The following TRMT10C variants were observed in gnomAD, a reference collection of about 807,000 sequenced individuals.
TRMT10C encodes tRNA methyltransferase 10C, mitochondrial RNase P subunit, also known as tRNA methyltransferase 10 homolog C.
Under a neutral mutation model 27.4 loss-of-function variants are expected in TRMT10C, and 14 were observed. The ratio of observed to expected loss-of-function variants is 0.51; its 90% CI spans 0.34 to 0.80. The LOEUF is 0.80. TRMT10C is among the 30% of genes least tolerant of loss of function. The pLI is 0.02. For synonymous variants in TRMT10C, 143 were observed against 155.9 expected (o/e 0.92, Z 0.62); for missense variants, 438 against 464.8 (o/e 0.94, Z 0.53).
At chr3:101,562,832 T>C (rs550940011) in intron 1 of TRMT10C, among the ~76,000 whole-genome samples, 1 of 152,228 alleles carries the variant, frequency 6.6e-6, no homozygotes, top group Non-Finnish European at 1.5e-5. Flanking sequence ...AGTTAGTCCT[T>C]ACCATCTAGT....
rs566773045 is a variant in TRMT10C, at chr3:101,565,865, T to C, written c.1084T>C (p.Cys362Arg). The part of the protein sequence containing the change: ...TLDQMIRILL[C>R]LKNNGNWQEA... Reference sequence around the variant, plus strand: ...AGATCAAATGATACGTATTTTGTTATGTCTGAAAAACAATGGTAATTGGCA... The same window carrying C: ...AGATCAAATGATACGTATTTTGTTACGTCTGAAAAACAATGGTAATTGGCA... Residue 362 changes from cysteine (C) to arginine (R), a missense_variant, in exon 2 of 2, where the codon TGT becomes CGT. By Grantham distance (180) the Cys-to-Arg change is radical (BLOSUM62 -3). Coordinates refer to ENST00000309922, the MANE Select transcript of TRMT10C (RefSeq NM_017819.4). 3.7e-6 allele frequency: 6 copies of C among 1,614,218 alleles called. No individual in the cohort carries two copies. The South Asian group carries it at 4.4e-5, about 12-fold the overall frequency.
Position 101,564,901 on chromosome 3 carries a change from G to A in TRMT10C, c.120G>A (p.Met40Ile), listed in dbSNP as rs1237842468. The A allele has an allele frequency of 6.2e-7, 1 of 1,613,878 alleles. No homozygotes were observed. Among genetic ancestry groups the A allele is most frequent in the Admixed American group, 1.7e-5 (1 of 59,960 alleles). Residue 40 changes from methionine to isoleucine, a missense_variant, in exon 2 of 2, where the codon ATG (methionine) becomes ATA (isoleucine). Met to Ile is a conservative substitution (Grantham distance 10). This residue lies in a region of TRMT10C where 350 missense variants were observed against 370.5 expected (regional missense o/e 0.94). Coordinates refer to ENST00000309922, the MANE Select transcript of TRMT10C (RefSeq NM_017819.4). ...RNNLTILQRY[M>I]SSKIPAVTYP... ...ACTTAACAATTTTGCAGAGATACAT[G>A]TCTTCCAAAATACCAGCTGTTACTT...
chr3:101,566,095 A>G lies in TRMT10C; in HGVS notation c.*102A>G. ...ATGCGTTAGAAATACAGTTCTGTTA[A>G]TGTATTTCTTCCCAAACAATTCATT... On this transcript the variant is annotated 3_prime_UTR_variant, in exon 2 of 2. Coordinates refer to ENST00000309922, the MANE Select transcript of TRMT10C (RefSeq NM_017819.4). 7.9e-7 allele frequency: 1 copy of G among 1,258,940 alleles called. No homozygotes were observed. Among genetic ancestry groups the G allele is most frequent in the Non-Finnish European group, 1.1e-6 (1 of 924,760 alleles). The allele number at this position is 1,258,940 out of a possible 1,614,324, so 78.0% of individuals were successfully genotyped here.
At position 101,565,031 on chromosome 3, in the gene TRMT10C, A is replaced by G. The variant is rs1286723372; in HGVS notation, c.250A>G (p.Ser84Gly). Reference protein sequence around the residue: ...VQEECVSTISSSKDEDPLAAT... With the variant: ...VQEECVSTISGSKDEDPLAAT... ...AGAAGAATGTGTTTCAACAATCTCA[A>G]GCAGTAAGGATGAAGATCCTCTAGC... is the stretch of plus-strand genomic sequence containing the variant. The change falls in exon 2 of 2, where the codon AGC becomes GGC. Residue 84 changes from serine (S) to glycine (G), a missense_variant. Ser to Gly is a moderately conservative substitution (Grantham distance 56). Around this residue, in one of 3 missense-constraint regions of TRMT10C, gnomAD observed 350 missense variants for 370.5 expected, o/e 0.94. Transcript: ENST00000309922. 1.2e-6 allele frequency: 2 copies of G among 1,614,006 alleles called. No homozygotes were observed. The highest frequency in any genetic ancestry group is 1.7e-6 in the Non-Finnish European group (2 of 1,180,036).
chr3:101,564,253 C>A (rs1934471838), intron 1 of TRMT10C, among the ~76,000 whole-genome samples: 1 of 136,412 alleles, frequency 7.3e-6, no homozygotes, highest in African/African-American at 2.6e-5. Flanking sequence ...AATAAGAACC[C>A]AACTTTTTTT....
rs750936101 is a variant in TRMT10C at position 101,564,851 on chromosome 3, T to C, written c.70T>C (p.Phe24Leu). The change falls in exon 2 of 2, where the codon TTT (phenylalanine) becomes CTT (leucine). Residue 24 changes from phenylalanine (F) to leucine (L), a missense_variant. This residue lies in a region of TRMT10C where 350 missense variants were observed against 370.5 expected (regional missense o/e 0.94). Transcript: ENST00000309922. ...ACCTTTCACCAGGTTTTTGGTGCCA[T>C]TTACCCTTCATAGGAAGAGAAATAA... The part of the protein sequence containing the change: ...FRPFTRFLVP[F>L]TLHRKRNNLT... The C allele has an allele frequency of 4.3e-6, 7 of 1,613,868 alleles. No homozygotes were observed. In the South Asian group the frequency reaches 6.6e-5, roughly 15 times the overall value.
chr3:101,565,853 C>T lies in TRMT10C; in HGVS notation c.1072C>T (p.Arg358Cys), dbSNP rs368035344. 2.9e-5 allele frequency: 46 copies of T among 1,613,948 alleles called. No individual in the cohort carries two copies. In the African/African-American group the frequency reaches 5.2e-4, roughly 18 times the overall value. ...AAATCTCACCTTAGATCAAATGATA[C>T]GTATTTTGTTATGTCTGAAAAACAA... ...NKNLTLDQMI[R>C]ILLCLKNNGN... is the part of the protein sequence containing the mutation. The change falls in exon 2 of 2, where the codon CGT becomes TGT. Residue 358 changes from arginine (R) to cysteine (C), a missense_variant. Transcript: ENST00000309922.
At position 101,565,636 on chromosome 3, in the gene TRMT10C, C is replaced by T. The variant is rs748636330; in HGVS notation, c.855C>T (p.Asp285=). ...EKSHVDLFPK[D]SIIYLTADSP... ...CTCATGTAGATTTATTTCCAAAGGA[C>T]AGTATTATCTATTTAACTGCAGATT... Residue 285 remains aspartate (D), a synonymous_variant, in exon 2 of 2, where the codon GAC becomes GAT. Transcript: ENST00000309922. 27 of 1,614,106 alleles carry T rather than the reference C, an allele frequency of 1.7e-5. No individual in the cohort carries two copies. In the Admixed American group the frequency reaches 4.2e-4, roughly 25 times the overall value.
rs771128676 is a variant in TRMT10C, at chr3:101,564,978, G to A, written c.197G>A (p.Trp66Ter). ...PPSEELELDK[W>*]KTTMKSSVQE... ...TCTGAAGAGCTAGAGTTGGATAAGTGGAAAACTACCATGAAATCTAGTGTG... is the reference window on the plus strand; with the variant it reads ...TCTGAAGAGCTAGAGTTGGATAAGTAGAAAACTACCATGAAATCTAGTGTG... The change falls in exon 2 of 2, where the codon TGG becomes TAG. Residue 66 changes from tryptophan to a stop codon, truncating the protein, a stop_gained. Coordinates refer to ENST00000309922, the MANE Select transcript of TRMT10C (RefSeq NM_017819.4). LOFTEE classifies it high-confidence loss of function. The A allele has an allele frequency of 6.7e-5, 108 of 1,613,748 alleles. No homozygotes were observed. The highest frequency in any genetic ancestry group is 9.1e-5 in the Non-Finnish European group (107 of 1,179,920).
rs1934502512 is a variant in TRMT10C at position 101,565,710 on chromosome 3, G to C, written c.929G>C (p.Gly310Ala). ...AGGCATGACAAAGTTTATGTAATTG[G>C]GTCTTTTGTTGATAAGAGTATGCAG... ...TFRHDKVYVI[G>A]SFVDKSMQPG... Residue 310 changes from glycine (G) to alanine (A), a missense_variant, in exon 2 of 2, where the codon GGG becomes GCG. Around this residue, in one of 3 missense-constraint regions of TRMT10C, gnomAD observed 350 missense variants for 370.5 expected, o/e 0.94. Transcript: ENST00000309922. The C allele has an allele frequency of 6.2e-7, 1 of 1,614,150 alleles. No homozygotes were observed. The highest frequency in any genetic ancestry group is 1.3e-5 in the African/African-American group (1 of 75,034).
At position 101,564,898 on chromosome 3, in the gene TRMT10C, C is replaced by T. The variant is rs1934483711; in HGVS notation, c.117C>T (p.Tyr39=). The change falls in exon 2 of 2, where the codon TAC becomes TAT. Residue 39 remains tyrosine (Y), a synonymous_variant. Coordinates refer to ENST00000309922, the MANE Select transcript of TRMT10C (RefSeq NM_017819.4). ...ATAACTTAACAATTTTGCAGAGATA[C>T]ATGTCTTCCAAAATACCAGCTGTTA... ...KRNNLTILQR[Y]MSSKIPAVTY... 6.2e-7 allele frequency: 1 copy of T among 1,613,960 alleles called. No homozygotes were observed. The highest frequency in any genetic ancestry group is 2.2e-5 in the East Asian group (1 of 44,864).
In TRMT10C at chr3:101,566,174, C is replaced by A; in HGVS notation, c.*181C>A. 3.2e-6 allele frequency: 2 copies of A among 616,742 alleles called. No individual in the cohort carries two copies. Among genetic ancestry groups the A allele is most frequent in the Non-Finnish European group, 5.4e-6 (2 of 369,808 alleles). The allele number at this position is 616,742 out of a possible 1,614,324, so 38.2% of individuals were successfully genotyped here. On this transcript the variant is annotated 3_prime_UTR_variant, in exon 2 of 2. Transcript: ENST00000309922. ...CTGACTGTAGGGTTGTGTCTTTTCC[C>A]AATTAAATATCTGCAGAACTTTGGG...
chr3:101,564,158 T>G (rs1934470380), intron 1 of TRMT10C, among the ~76,000 whole-genome samples: 1 of 152,110 alleles, frequency 6.6e-6, no homozygotes, highest in African/African-American at 2.4e-5. Context: ...CCAGTAACAT[T>G]GATTCTCTGG....
chr3:101,563,012 C>T (rs1012300779), intron 1 of TRMT10C, among the ~76,000 whole-genome samples: 2 of 152,078 alleles, frequency 1.3e-5, no homozygotes, highest in Non-Finnish European at 2.9e-5. Flanking sequence ...GGGAACAATA[C>T]CAATGGATAG....
chr3:101,563,219 G>A (rs539449552), intron 1 of TRMT10C, among the ~76,000 whole-genome samples: 86 of 150,724 alleles, frequency 5.7e-4, no homozygotes, highest in African/African-American at 2.0e-3. Flanking sequence ...TTATTCAAGC[G>A]ATTCTTCTAC....
At chr3:101,562,486 G>C (rs778626197) in intron 1 of TRMT10C, among the ~76,000 whole-genome samples, 21 of 152,132 alleles carry the variant, frequency 1.4e-4, no homozygotes, top group Middle Eastern at 3.4e-3. Context: ...AACCCCGTCT[G>C]TACTAAAAAT....
At chr3:101,564,643 C>T in intron 1 of TRMT10C, 127 bp from the exon 2 acceptor site, 1 of 993,596 alleles carries the variant, frequency 1.0e-6, no homozygotes. Flanking sequence ...AAAATTGGTA[C>T]AAAGATTTTA....
Position 101,566,171 on chromosome 3 carries a change from T to C in TRMT10C, c.*178T>C. The C allele has an allele frequency of 1.5e-6, 1 of 648,476 alleles. No individual in the cohort carries two copies. The highest frequency in any genetic ancestry group is 2.9e-5 in the East Asian group (1 of 34,174). The allele number at this position is 648,476 out of a possible 1,614,324, so 40.2% of individuals were successfully genotyped here. Reference sequence around the variant, plus strand: ...CAACTGACTGTAGGGTTGTGTCTTTTCCCAATTAAATATCTGCAGAACTTT... The same window carrying C: ...CAACTGACTGTAGGGTTGTGTCTTTCCCCAATTAAATATCTGCAGAACTTT... On this transcript the variant is annotated 3_prime_UTR_variant, in exon 2 of 2. Coordinates refer to ENST00000309922, the MANE Select transcript of TRMT10C (RefSeq NM_017819.4).
At position 101,565,539 on chromosome 3, in the gene TRMT10C, C is replaced by T. The variant is rs1934497214; in HGVS notation, c.758C>T (p.Ala253Val). ...IYFCNLKIDG[A>V]LHRELVKRYQ... ...TTCTGCAATCTAAAAATAGATGGTG[C>T]TTTGCACAGAGAGTTAGTTAAACGG... Residue 253 changes from alanine to valine, a missense_variant, in exon 2 of 2, where the codon GCT becomes GTT. This residue lies in a region of TRMT10C where 350 missense variants were observed against 370.5 expected (regional missense o/e 0.94). Transcript: ENST00000309922. The T allele has an allele frequency of 6.2e-7, 1 of 1,613,768 alleles. No homozygotes were observed. Among genetic ancestry groups the T allele is most frequent in the Admixed American group, 1.7e-5 (1 of 59,942 alleles).
Sources: gnomAD v4.1 joint callset for allele counts (sites outside exome capture counted in the v4.1 genomes callset) on GRCh38, gnomAD v4.1.1 for gene constraint, gnomAD v4.1.1 regional missense constraint, MANE v1.5 for transcripts, NCBI Gene and HGNC (gene_info 2026-07-23, HGNC 2026-07-21) for gene names.